The following PKHD1L1 variants were observed in gnomAD, a reference collection of about 807,000 sequenced individuals.
The protein encoded by PKHD1L1 is fibrocystin-L.
PKHD1L1 carries 434 observed loss-of-function variants against 462.9 expected under a neutral mutation model. The ratio of observed to expected loss-of-function variants is 0.94; its 90% CI spans 0.87 to 1.02. The LOEUF (loss-of-function observed/expected upper bound fraction) is 1.02, where lower values mean the gene tolerates loss of function less well. Among genes scored for constraint, PKHD1L1 ranks in the 50% least tolerant of loss-of-function variants. The probability of loss-of-function intolerance (pLI) is 0.00; values close to 1 mark genes in which losing one functional copy is unlikely to be tolerated. For missense variants in PKHD1L1, 5,202 were observed against 5,096.1 expected (o/e 1.02, Z -0.63); for synonymous variants, 1,781 against 1,750.0 (o/e 1.02, Z -0.44).
intron 3 of PKHD1L1, among the ~76,000 whole-genome samples, chr8:109,381,723 TG>T (rs1163692709): frequency 6.6e-6 from 1 of 152,154 alleles, no homozygotes; most frequent in Non-Finnish European, 1.5e-5. Context: ...ACATATTCTA[TG>T]TCTTTTCCCA....
At chr8:109,430,933 A>G (rs1469469048) in intron 27 of PKHD1L1, among the ~76,000 whole-genome samples, 1 of 150,750 alleles carries the variant, frequency 6.6e-6, no homozygotes, top group Non-Finnish European at 1.5e-5. Context: ...TGGTATCTTT[A>G]TGTTTATATC....
rs974632928 is a variant in PKHD1L1 at position 109,530,159 on chromosome 8, C to T, written c.*69C>T. The T allele has an allele frequency of 3.1e-6, 3 of 968,926 alleles. No homozygotes were observed. The highest frequency in any genetic ancestry group is 2.7e-5 in the South Asian group (1 of 36,678). The allele number at this position is 968,926 out of a possible 1,614,324, so 60.0% of individuals were successfully genotyped here. ...ATTAGCTACTTTGTTGGGCAATAGG[C>T]AAAAGTCTATAGCATTTTCATGAAA... On this transcript the variant is annotated 3_prime_UTR_variant, in exon 78 of 78. Coordinates refer to ENST00000378402, the MANE Select transcript of PKHD1L1 (RefSeq NM_177531.6).
At chr8:109,457,131 G>A (rs181140972) in intron 46 of PKHD1L1, among the ~76,000 whole-genome samples, 132 of 152,186 alleles carry the variant, frequency 8.7e-4, no homozygotes, top group Non-Finnish European at 1.7e-3. Context: ...ATTGAATATG[G>A]TTGTGATTAT....
intron 20 of PKHD1L1, among the ~76,000 whole-genome samples, chr8:109,412,644 ATT>A: frequency 6.6e-6 from 1 of 152,146 alleles, no homozygotes; most frequent in Non-Finnish European, 1.5e-5. Context: ...CATGTATTAT[ATT>A]TCTCTTTTAA....
chr8:109,451,170 C>A, intron 41 of PKHD1L1, 21 bp downstream of exon 41: 2 of 1,578,844 alleles, frequency 1.3e-6, no homozygotes, highest in Non-Finnish European at 8.6e-7. Context: ...CACACAAACA[C>A]GCATCATTGT....
chr8:109,491,062 G>T lies in PKHD1L1; in HGVS notation c.10075G>T (p.Asp3359Tyr). ...TGGTGTATTTGGGACAGATGGATTG[G>T]ACATAGATGACAACATCATTCACTT... The part of the protein sequence containing the change: ...AIGVFGTDGL[D>Y]IDDNIIHFTV... The change falls in exon 61 of 78, where the codon GAC becomes TAC. Residue 3359 changes from aspartate (D) to tyrosine (Y), a missense_variant. Physicochemically the swap from Asp to Tyr is radical, Grantham distance 160 (BLOSUM62 -3). This residue lies in a region of PKHD1L1 where 4,497 missense variants were observed against 4,336.8 expected (regional missense o/e 1.04). Coordinates refer to ENST00000378402, the MANE Select transcript of PKHD1L1 (RefSeq NM_177531.6). The T allele has an allele frequency of 4.3e-6, 7 of 1,609,622 alleles. No individual in the cohort carries two copies. The highest frequency in any genetic ancestry group is 5.9e-6 in the Non-Finnish European group (7 of 1,176,864).
chr8:109,369,373 A>G lies in PKHD1L1; in HGVS notation c.163+4737A>G, dbSNP rs535854484. ...TAGTTTAAAAGTCAGAAATATTTAT[A>G]TACTTGTTTTTTCAGCAATATTAAT... On this transcript the variant is annotated intron_variant, in intron 2 of 77. Transcript: ENST00000378402. Among the ~76,000 whole-genome samples the G allele has an allele frequency of 5.3e-5, 8 of 152,258 alleles. 1 individual carries two copies. In the East Asian group the frequency reaches 1.5e-3, roughly 29 times the overall value.
rs1289555045 is a variant in PKHD1L1 at position 109,384,061 on chromosome 8, T to C, written c.418-9T>C. ...ATAAGTTTTCATATTGACATTATTC[T>C]TTTTACAGGCAAAAAGTTTTAGAAC... On this transcript the variant is annotated splice_polypyrimidine_tract_variant and intron_variant, in intron 4 of 77. Coordinates refer to ENST00000378402, the MANE Select transcript of PKHD1L1 (RefSeq NM_177531.6). The C allele has an allele frequency of 5.0e-6, 8 of 1,593,204 alleles. No homozygotes were observed. The highest frequency in any genetic ancestry group is 6.9e-6 in the Non-Finnish European group (8 of 1,161,956).
intron 2 of PKHD1L1, among the ~76,000 whole-genome samples, chr8:109,370,209 C>T (rs1183683626): frequency 1.3e-5 from 2 of 152,094 alleles, no homozygotes; most frequent in East Asian, 3.9e-4. Flanking sequence ...ACCTCTGTCT[C>T]CCAGGTTCAA....
At chr8:109,513,392 T>C (rs1047782452) in intron 71 of PKHD1L1, among the ~76,000 whole-genome samples, 1 of 152,190 alleles carries the variant, frequency 6.6e-6, no homozygotes, top group African/African-American at 2.4e-5. Flanking sequence ...ATTACTTATA[T>C]ATATATCAGA....
Position 109,388,555 on chromosome 8 carries a change from G to A in PKHD1L1, c.623+5G>A, listed in dbSNP as rs1167969059. 6.7e-7 allele frequency: 1 copy of A among 1,495,160 alleles called. No homozygotes were observed. Among genetic ancestry groups the A allele is most frequent in the East Asian group, 2.5e-5 (1 of 40,538 alleles). The allele number at this position is 1,495,160 out of a possible 1,614,324, so 92.6% of individuals were successfully genotyped here. A position where few individuals can be genotyped will look rare whatever the true frequency, so the allele number is the denominator to read the frequency against. On this transcript the variant is annotated splice_donor_5th_base_variant and intron_variant, in intron 7 of 77. Transcript: ENST00000378402. ...CATACCACAATCTGATAATTTGTAA[G>A]TAATTCAAATTATTTTCTTTACAAA...
intron 48 of PKHD1L1, among the ~76,000 whole-genome samples, chr8:109,463,762 A>G (rs1783144): frequency 0.55 from 83,648 of 152,004 alleles, 23,207 homozygotes; most frequent in South Asian, 0.69. Flanking sequence ...TCTGTAAAAT[A>G]AAGTCAATGG....
rs1821026563 is a variant in PKHD1L1, at chr8:109,530,915, C to A, written c.*825C>A. Among the ~76,000 whole-genome samples, 1 of 152,112 alleles carries A rather than the reference C, an allele frequency of 6.6e-6. No homozygotes were observed. The highest frequency in any genetic ancestry group is 6.5e-5 in the Admixed American group (1 of 15,268). On this transcript the variant is annotated 3_prime_UTR_variant, in exon 78 of 78. Transcript: ENST00000378402. Reference sequence around the variant, plus strand: ...AGTATAAAGTGTGGGAAGTCAACAACAGAACAGAACTTATTTTCAAGAAGA... The same window carrying A: ...AGTATAAAGTGTGGGAAGTCAACAAAAGAACAGAACTTATTTTCAAGAAGA...
At chr8:109,390,597 AACT>A (rs1812665912) in intron 9 of PKHD1L1, 103 bp downstream of exon 9, 17 of 595,892 alleles carry the variant, frequency 2.9e-5, no homozygotes, top group Non-Finnish European at 4.4e-5. Context: ...TTTAAAAATT[AACT>A]ACTTTTTTTC....
Position 109,388,631 on chromosome 8 carries a change from T to C in PKHD1L1, c.623+81T>C, listed in dbSNP as rs1002249907. The C allele has an allele frequency of 1.1e-5, 10 of 909,802 alleles. No homozygotes were observed. The African/African-American group carries it at 1.5e-4, about 14-fold the overall frequency. The allele number at this position is 909,802 out of a possible 1,614,324, so 56.4% of individuals were successfully genotyped here. A position where few individuals can be genotyped will look rare whatever the true frequency, so the allele number is the denominator to read the frequency against. The stretch of plus-strand genomic sequence containing the variant: ...AAATTTAAATAGTAATTGCTACCAA[T>C]ACTGCATAGCTAAATGGTTTATAAT... On this transcript the variant is annotated intron_variant, in intron 7 of 77. Transcript: ENST00000378402.
At chr8:109,515,777 T>C (rs1388129632) in intron 72 of PKHD1L1, among the ~76,000 whole-genome samples, 1 of 152,162 alleles carries the variant, frequency 6.6e-6, no homozygotes. Flanking sequence ...TTGTGTTAAA[T>C]GAAACATGTG....
chr8:109,377,427 T>A (rs1811894211), intron 2 of PKHD1L1, among the ~76,000 whole-genome samples: 1 of 152,152 alleles, frequency 6.6e-6, no homozygotes. Flanking sequence ...AATTCTGAAA[T>A]TTAAATAGCT....
chr8:109,436,371 T>G lies in PKHD1L1; in HGVS notation c.3539T>G (p.Phe1180Cys). The G allele has an allele frequency of 6.2e-7, 1 of 1,613,372 alleles. No homozygotes were observed. Among genetic ancestry groups the G allele is most frequent in the Non-Finnish European group, 8.5e-7 (1 of 1,179,722 alleles). ...CTACTGACTTTATCTGGATTTGGCT[T>G]TAATGAAAATTCAAAGGTATTAGTT... is the stretch of plus-strand genomic sequence containing the variant. ...GTLLTLSGFG[F>C]NENSKVLVGN... The change falls in exon 30 of 78, where the codon TTT becomes TGT. Residue 1180 changes from phenylalanine (F) to cysteine (C), a missense_variant. Transcript: ENST00000378402.
intron 65 of PKHD1L1, 23 bp downstream of exon 65, chr8:109,497,295 C>A (rs749151770): frequency 1.9e-6 from 3 of 1,602,514 alleles, no homozygotes; most frequent in South Asian, 2.2e-5. Context: ...TACAGCCACA[C>A]CATGGAGAAA....
Sources: gnomAD v4.1 joint callset for allele counts (sites outside exome capture counted in the v4.1 genomes callset) on GRCh38, gnomAD v4.1.1 for gene constraint, gnomAD v4.1.1 regional missense constraint, MANE v1.5 for transcripts, NCBI Gene and HGNC (gene_info 2026-07-23, HGNC 2026-07-21) for gene names.